Variants in ASIC2 observed in about 807,000 individuals in gnomAD.
ASIC2 encodes acid-sensing ion channel 2.
Under a neutral mutation model 57.3 loss-of-function variants are expected in ASIC2, and 25 were observed. That is an observed-to-expected ratio of 0.44 (90% confidence interval 0.32 to 0.61). The LOEUF (loss-of-function observed/expected upper bound fraction) is 0.61, where lower values mean the gene tolerates loss of function less well. ASIC2 is among the 20% of genes least tolerant of loss of function. The probability of loss-of-function intolerance (pLI) is 0.06; values close to 1 mark genes in which losing one functional copy is unlikely to be tolerated. For missense variants in ASIC2, 641 were observed against 738.1 expected (o/e 0.87, Z 1.52); for synonymous variants, 319 against 307.5 (o/e 1.04, Z -0.39).
At chr17:33,340,502 C>T (rs765513630) in intron 1 of ASIC2, among the ~76,000 whole-genome samples, 16 of 150,692 alleles carry the variant, frequency 1.1e-4, no homozygotes, top group East Asian at 9.8e-4. Flanking sequence ...TCTTTCCTAT[C>T]GTTTTTCTTC....
chr17:33,014,175 C>A, intron 9 of ASIC2, 109 bp from the exon 10 acceptor site: 1 of 814,844 alleles, frequency 1.2e-6, no homozygotes, highest in Non-Finnish European at 2.1e-6. Flanking sequence ...CACTTGTGGG[C>A]TGCTTCTGCT....
intron 1 of ASIC2, among the ~76,000 whole-genome samples, chr17:33,761,711 A>T (rs1274114626): frequency 6.6e-6 from 1 of 152,154 alleles, no homozygotes; most frequent in African/African-American, 2.4e-5. Flanking sequence ...ACTATGAAAG[A>T]GAAGCACAGT....
At chr17:33,747,416 G>T (rs974915552) in intron 1 of ASIC2, among the ~76,000 whole-genome samples, 3 of 151,924 alleles carry the variant, frequency 2.0e-5, no homozygotes, top group Admixed American at 2.0e-4. Context: ...TAGAGATGGG[G>T]TTTCATCACT....
chr17:33,926,245 T>C (rs1358250380), intron 1 of ASIC2, among the ~76,000 whole-genome samples: 1 of 152,234 alleles, frequency 6.6e-6, no homozygotes, highest in East Asian at 1.9e-4. Context: ...AAGTGCTTTA[T>C]ATGGAGTAGT....
At chr17:33,188,637 G>A (rs1181560700) in intron 1 of ASIC2, among the ~76,000 whole-genome samples, 1 of 152,106 alleles carries the variant, frequency 6.6e-6, no homozygotes, top group East Asian at 1.9e-4. Context: ...ATGAAAGCCA[G>A]AAAACAGTGG....
At chr17:33,950,580 TGCTGAAGCAA>T (rs1417889228) in intron 1 of ASIC2, among the ~76,000 whole-genome samples, 3 of 152,192 alleles carry the variant, frequency 2.0e-5, no homozygotes, top group Non-Finnish European at 4.4e-5. Flanking sequence ...AGTCCCAGCT[TGCTGAAGCAA>T]GCCAGGTCCA....
In ASIC2 at chr17:33,015,983, G is replaced by T; in HGVS notation, c.1578C>A (p.His526Gln). 1 of 1,614,062 alleles carries T rather than the reference G, an allele frequency of 6.2e-7. No homozygotes were observed. Among genetic ancestry groups the T allele is most frequent in the Non-Finnish European group, 8.5e-7 (1 of 1,179,990 alleles). ...LLGKEEDEGS[H>Q]DENVSTCDTM... Reference sequence around the variant, plus strand: ...GAGCTGCTCTTACCACATTCTCATCGTGGCTCCCTTCGTCCTCCTCTTTGC... The same window carrying T: ...GAGCTGCTCTTACCACATTCTCATCTTGGCTCCCTTCGTCCTCCTCTTTGC... The change falls in exon 9 of 10, where the codon CAC becomes CAA. Residue 526 changes from histidine to glutamine, a missense_variant. Transcript: ENST00000225823.
intron 2 of ASIC2, among the ~76,000 whole-genome samples, chr17:33,107,765 C>T (rs965150474): frequency 6.6e-5 from 10 of 152,210 alleles, no homozygotes; most frequent in Non-Finnish European, 1.3e-4. Context: ...TGGTCAACAC[C>T]ATCACCACCT....
chr17:33,077,745 G>A (rs1336411604), intron 3 of ASIC2, among the ~76,000 whole-genome samples: 1 of 152,140 alleles, frequency 6.6e-6, no homozygotes, highest in Non-Finnish European at 1.5e-5. Context: ...GGCAATAGTT[G>A]TTTTCAAGCC....
chr17:33,087,586 T>C (rs2092139713), intron 3 of ASIC2, among the ~76,000 whole-genome samples: 2 of 149,718 alleles, frequency 1.3e-5, no homozygotes, highest in Non-Finnish European at 3.0e-5. Context: ...TTTTTTTTTT[T>C]TTTTTTTTTG....
At chr17:33,591,958 C>A (rs769117316) in intron 1 of ASIC2, among the ~76,000 whole-genome samples, 3 of 152,160 alleles carry the variant, frequency 2.0e-5, no homozygotes, top group Admixed American at 6.5e-5. Context: ...GCCATACCTG[C>A]CCTGCCTCTG....
chr17:33,559,292 C>CCT (rs1323625705), intron 1 of ASIC2, among the ~76,000 whole-genome samples: 2 of 152,158 alleles, frequency 1.3e-5, no homozygotes, highest in African/African-American at 4.8e-5. Flanking sequence ...TCTGGGGCCC[C>CCT]CTTCCTCACA....
At chr17:33,046,457 A>C (rs1001808903) in intron 3 of ASIC2, among the ~76,000 whole-genome samples, 3 of 152,142 alleles carry the variant, frequency 2.0e-5, no homozygotes, top group Non-Finnish European at 4.4e-5. Flanking sequence ...GTGGGAAATG[A>C]AGGAGTGTCT....
At chr17:33,203,742 C>T (rs1452691210) in intron 1 of ASIC2, among the ~76,000 whole-genome samples, 2 of 152,206 alleles carry the variant, frequency 1.3e-5, no homozygotes, top group Admixed American at 1.3e-4. Context: ...CAGGTCCCTG[C>T]TCATATAGGG....
chr17:33,106,058 A>G (rs1307513025), intron 2 of ASIC2, among the ~76,000 whole-genome samples: 1 of 152,184 alleles, frequency 6.6e-6, no homozygotes, highest in Non-Finnish European at 1.5e-5. Context: ...TGAAGAGTTG[A>G]TGCAGGGAGG....
chr17:33,346,667 T>C (rs1907961788), intron 1 of ASIC2, among the ~76,000 whole-genome samples: 1 of 152,186 alleles, frequency 6.6e-6, no homozygotes, highest in Non-Finnish European at 1.5e-5. Context: ...TATTTGCAAC[T>C]TGAGCTCAGA....
At chr17:33,255,604 G>C (rs1909040161) in intron 1 of ASIC2, among the ~76,000 whole-genome samples, 1 of 137,632 alleles carries the variant, frequency 7.3e-6, no homozygotes, top group Non-Finnish European at 1.6e-5. Context: ...GAGGGACGGG[G>C]GGGTGGAGGA....
rs554724414 is a variant in ASIC2, at chr17:33,068,059, C to T, written c.987+20804G>A. On this transcript the variant is annotated intron_variant, in intron 3 of 9. Coordinates refer to ENST00000225823, the MANE Select transcript of ASIC2 (RefSeq NM_183377.2). ...AGAGGAGGTCAAATAAAGATGCTTGCCCACTCAGACAACCCAGAGAGTGCA... is the reference window on the plus strand; with the variant it reads ...AGAGGAGGTCAAATAAAGATGCTTGTCCACTCAGACAACCCAGAGAGTGCA... 6.6e-5 allele frequency among the ~76,000 whole-genome samples: 10 copies of T among 152,254 alleles called. No homozygotes were observed. In the East Asian group the frequency reaches 1.5e-3, roughly 24 times the overall value.
At chr17:34,080,755 G>A (rs929134302) in intron 1 of ASIC2, 4 of 152,194 alleles carry the variant, frequency 2.6e-5, no homozygotes, top group South Asian at 4.1e-4. Context: ...GGAACTGAAC[G>A]GAGCAATCAA....
Sources: allele counts gnomAD v4.1 joint callset (sites outside exome capture counted in the v4.1 genomes callset), GRCh38; gene constraint gnomAD v4.1.1; transcripts MANE v1.5; gene names NCBI Gene and HGNC (gene_info 2026-07-23, HGNC 2026-07-21).